The following LRBA variants were observed in gnomAD, a reference collection of about 807,000 sequenced individuals.
The protein encoded by LRBA is LPS responsive beige-like anchor protein.
LRBA carries 176 observed loss-of-function variants against 330.0 expected under a neutral mutation model. That is an observed-to-expected ratio of 0.53 (90% confidence interval 0.47 to 0.60). The LOEUF (loss-of-function observed/expected upper bound fraction) is 0.60, where lower values mean the gene tolerates loss of function less well. Ranked by LOEUF, LRBA falls within the 20% of genes least tolerant of loss-of-function variation. The probability of loss-of-function intolerance (pLI) is 0.00; values close to 1 mark genes in which losing one functional copy is unlikely to be tolerated. For missense variants in LRBA, 3,259 were observed against 3,444.8 expected (o/e 0.95, Z 1.35); for synonymous variants, 1,230 against 1,193.0 (o/e 1.03, Z -0.64).
intron 40 of LRBA, among the ~76,000 whole-genome samples, chr4:150,530,344 C>T (rs956990631): frequency 3.3e-5 from 5 of 152,126 alleles, no homozygotes; most frequent in African/African-American, 7.2e-5. Context: ...CACTCAGATA[C>T]TCTGGATGCC....
chr4:150,644,884 G>T (rs1043953705), intron 37 of LRBA, among the ~76,000 whole-genome samples: 1 of 151,822 alleles, frequency 6.6e-6, no homozygotes, highest in African/African-American at 2.4e-5. Context: ...GAAAATATAC[G>T]GTATTTAAAG....
chr4:150,313,208 A>G (rs1371064952), intron 51 of LRBA, among the ~76,000 whole-genome samples: 2 of 152,112 alleles, frequency 1.3e-5, no homozygotes, highest in Non-Finnish European at 2.9e-5. Context: ...AAGATAAAAA[A>G]GTAATAATGT....
intron 35 of LRBA, among the ~76,000 whole-genome samples, chr4:150,738,037 G>A (rs1731454771): frequency 6.9e-6 from 1 of 145,588 alleles, no homozygotes. Flanking sequence ...TGTCGCCCAG[G>A]CTGGGTATAA....
rs182065724 is a variant in LRBA, at chr4:150,770,569, T to A, written c.5581-8722A>T. Reference sequence around the variant, plus strand: ...TAAAAGAGGAAAGAAAACAAAGATTTTATATATATATATATATACACACAC... The same window carrying A: ...TAAAAGAGGAAAGAAAACAAAGATTATATATATATATATATATACACACAC... On this transcript the variant is annotated intron_variant, in intron 34 of 56. Transcript: ENST00000651943. 7.4e-3 allele frequency among the ~76,000 whole-genome samples: 672 copies of A among 91,406 alleles called. 3 individuals carry two copies. Among genetic ancestry groups the A allele is most frequent in the African/African-American group, 0.024 (601 of 24,538 alleles). The allele number at this position is 91,406 out of a possible 152,430, so 60.0% of individuals were successfully genotyped here.
chr4:150,647,933 T>C (rs539955545), intron 37 of LRBA, among the ~76,000 whole-genome samples: 119 of 151,888 alleles, frequency 7.8e-4, no homozygotes, highest in Admixed American at 5.2e-3. Context: ...GCCCTGTGCC[T>C]AGCAGAGTGT....
At chr4:150,518,849 T>C (rs904333230) in intron 40 of LRBA, among the ~76,000 whole-genome samples, 15 of 152,162 alleles carry the variant, frequency 9.9e-5, no homozygotes, top group African/African-American at 3.6e-4. Context: ...CTGATCTCCA[T>C]AGGCCTAATG....
intron 46 of LRBA, among the ~76,000 whole-genome samples, chr4:150,433,707 A>G (rs1371076810): frequency 6.6e-6 from 1 of 152,150 alleles, no homozygotes; most frequent in Non-Finnish European, 1.5e-5. Flanking sequence ...GAGTTACATA[A>G]GTAATTAAAC....
intron 34 of LRBA, among the ~76,000 whole-genome samples, chr4:150,767,404 G>C (rs2077924403): frequency 6.6e-6 from 1 of 152,194 alleles, no homozygotes; most frequent in East Asian, 1.9e-4. Context: ...ATTTTATTTT[G>C]TCAAGCCATG....
chr4:150,294,185 C>T (rs76964663), intron 53 of LRBA, among the ~76,000 whole-genome samples: 3,354 of 152,232 alleles, frequency 0.022, 124 homozygotes, highest in African/African-American at 0.077. Flanking sequence ...CAAGTGTATA[C>T]TTAAAAGTAT....
At chr4:150,546,396 T>C (rs1765866385) in intron 40 of LRBA, among the ~76,000 whole-genome samples, 1 of 152,214 alleles carries the variant, frequency 6.6e-6, no homozygotes, top group African/African-American at 2.4e-5. Flanking sequence ...GCGCTGCCCC[T>C]TCTTTGTTTT....
At chr4:150,445,391 A>C (rs1212710006) in intron 44 of LRBA, among the ~76,000 whole-genome samples, 3,992 of 120,002 alleles carry the variant, frequency 0.033, 58 homozygotes, top group African/African-American at 0.048. Flanking sequence ...ATATATATAT[A>C]TATATATATA....
intron 48 of LRBA, among the ~76,000 whole-genome samples, chr4:150,343,057 G>C (rs1333014496): frequency 6.6e-6 from 1 of 151,928 alleles, no homozygotes; most frequent in East Asian, 1.9e-4. Flanking sequence ...TGGAGGTGGG[G>C]GTGGGGAGTA....
At chr4:150,787,935 C>T (rs544128913) in intron 34 of LRBA, among the ~76,000 whole-genome samples, 104 of 152,256 alleles carry the variant, frequency 6.8e-4, no homozygotes, top group Non-Finnish European at 1.3e-3. Context: ...ATGCTGATTT[C>T]CTTTCTTTTG....
chr4:150,806,417 C>T lies in LRBA; in HGVS notation c.5385-13G>A. The T allele has an allele frequency of 6.4e-7, 1 of 1,569,126 alleles. No homozygotes were observed. On this transcript the variant is annotated splice_polypyrimidine_tract_variant and intron_variant, in intron 32 of 56. Transcript: ENST00000651943. ...CCTCTCTGTAATACTAAGGAAAAGACATTAAGTTACTTGAACTATTCAACA... is the reference window on the plus strand; with the variant it reads ...CCTCTCTGTAATACTAAGGAAAAGATATTAAGTTACTTGAACTATTCAACA...
At chr4:150,791,730 T>C (rs997829984) in intron 34 of LRBA, among the ~76,000 whole-genome samples, 9 of 152,074 alleles carry the variant, frequency 5.9e-5, no homozygotes, top group African/African-American at 1.7e-4. Flanking sequence ...AAATGCATAA[T>C]GAAGTTAAGA....
chr4:150,600,114 G>T (rs1420598667), intron 37 of LRBA, among the ~76,000 whole-genome samples: 2 of 151,570 alleles, frequency 1.3e-5, no homozygotes, highest in Admixed American at 1.3e-4. Flanking sequence ...ATTTTATAAG[G>T]AAAATACTAA....
rs749777295 is a variant in LRBA, at chr4:150,589,070, CACAG to C, written c.6194-890_6194-887del. 2.0e-3 allele frequency among the ~76,000 whole-genome samples: 288 copies of C among 146,384 alleles called. 1 individual carries two copies. The highest frequency in any genetic ancestry group is 6.8e-3 in the Middle Eastern group (2 of 294). On this transcript the variant is annotated intron_variant, in intron 39 of 56. Transcript: ENST00000651943. The stretch of plus-strand genomic sequence containing the variant: ...ACACACACACACACACACACACACA[CACAG>C]AGAGAGAGAGATCGACGTAGAAAGA...
chr4:150,324,780 A>G (rs1733015372), intron 49 of LRBA, among the ~76,000 whole-genome samples: 1 of 152,158 alleles, frequency 6.6e-6, no homozygotes, highest in South Asian at 2.1e-4. Context: ...CAGACTTTGT[A>G]GTTTCTATTC....
At chr4:150,328,965 T>A (rs1733653222) in intron 48 of LRBA, among the ~76,000 whole-genome samples, 1 of 152,236 alleles carries the variant, frequency 6.6e-6, no homozygotes, top group South Asian at 2.1e-4. Flanking sequence ...AGGTTATGGA[T>A]GAGACAACTT....
Sources: gnomAD v4.1 joint callset for allele counts (sites outside exome capture counted in the v4.1 genomes callset) on GRCh38, gnomAD v4.1.1 for gene constraint, MANE v1.5 for transcripts, NCBI Gene and HGNC (gene_info 2026-07-23, HGNC 2026-07-21) for gene names.